Variants in GPC1 observed in about 807,000 individuals in gnomAD.
The protein encoded by GPC1 is glypican-1.
GPC1 carries 26 observed loss-of-function variants against 51.5 expected under a neutral mutation model. The ratio of observed to expected loss-of-function variants is 0.50; its 90% confidence interval spans 0.37 to 0.70. The LOEUF is 0.70. Ranked by LOEUF, GPC1 falls within the 30% of genes least tolerant of loss-of-function variation. GPC1 has a pLI of 0.00. For missense variants in GPC1, 775 were observed against 800.5 expected (o/e 0.97, Z 0.38); for synonymous variants, 380 against 348.3 (o/e 1.09, Z -1.01).
At chr2:240,456,199 G>A in intron 1 of GPC1, 1 of 255,104 alleles carries the variant, frequency 3.9e-6, no homozygotes. Flanking sequence ...GGGTGTGAGA[G>A]GTGGCTGACG....
intron 1 of GPC1, among the ~76,000 whole-genome samples, chr2:240,455,259 C>T (rs1432467710): frequency 2.0e-5 from 3 of 152,196 alleles, no homozygotes; most frequent in Admixed American, 6.5e-5. Flanking sequence ...AAAAAATCCT[C>T]AGAGCACTGG....
Position 240,435,868 on chromosome 2 carries a change from A to C in GPC1, c.-51A>C. The C allele has an allele frequency of 2.6e-6, 3 of 1,136,742 alleles. No homozygotes were observed. Among genetic ancestry groups the C allele is most frequent in the Non-Finnish European group, 2.2e-6 (2 of 905,474 alleles). The allele number at this position is 1,136,742 out of a possible 1,614,324, so 70.4% of individuals were successfully genotyped here. On this transcript the variant is annotated 5_prime_UTR_variant, in exon 1 of 9. Coordinates refer to ENST00000264039, the MANE Select transcript of GPC1 (RefSeq NM_002081.3). ...GGCGGGAACTGCGCAGGACCCGGCC[A>C]GGATCCGAGAGAGGCGCGGGCGGGT...
chr2:240,466,525 C>A lies in GPC1; in HGVS notation c.*235C>A. 3.7e-6 allele frequency: 2 copies of A among 543,924 alleles called. No individual in the cohort carries two copies. The highest frequency in any genetic ancestry group is 6.5e-6 in the Non-Finnish European group (2 of 307,120). The allele number at this position is 543,924 out of a possible 1,614,324, so 33.7% of individuals were successfully genotyped here. On this transcript the variant is annotated 3_prime_UTR_variant, in exon 9 of 9. Transcript: ENST00000264039. ...GCTGGGAGCCAGTGTGCCCAAAAGC[C>A]ATGTATTTCAGGGACCTCAGGGGCA...
chr2:240,441,391 G>A (rs2151785688), intron 1 of GPC1, among the ~76,000 whole-genome samples: 1 of 152,314 alleles, frequency 6.6e-6, no homozygotes, highest in East Asian at 1.9e-4. Context: ...CCGTGCCCGG[G>A]CCAGTGAGAG....
intron 1 of GPC1, among the ~76,000 whole-genome samples, chr2:240,457,083 G>A (rs1489617646): frequency 6.6e-6 from 1 of 152,162 alleles, no homozygotes; most frequent in Non-Finnish European, 1.5e-5. Flanking sequence ...CGCTCTGTCT[G>A]CAGCATGGGC....
At chr2:240,453,871 C>A (rs868347418) in intron 1 of GPC1, among the ~76,000 whole-genome samples, 1 of 152,140 alleles carries the variant, frequency 6.6e-6, no homozygotes, top group Non-Finnish European at 1.5e-5. Flanking sequence ...CCGCCGGGGC[C>A]GGTTTCACGC....
rs775628041 is a variant in GPC1, at chr2:240,457,427, G to A, written c.167-1603G>A. 10 of 470,702 alleles carry A rather than the reference G, an allele frequency of 2.1e-5. 1 individual carries two copies. The highest frequency in any genetic ancestry group is 1.4e-4 in the South Asian group (9 of 64,562). 29.2% of individuals were successfully genotyped at this position (470,702 alleles called of 1,614,324 possible). ...TGAGTGTGTGTACTTAGAGGGTGCG[G>A]AAGATCAGCAAACTCAGTCTGACCC... On this transcript the variant is annotated intron_variant, in intron 1 of 8. Transcript: ENST00000264039.
intron 1 of GPC1, among the ~76,000 whole-genome samples, chr2:240,454,620 C>T (rs1211849970): frequency 6.6e-6 from 1 of 152,238 alleles, no homozygotes; most frequent in East Asian, 1.9e-4. Flanking sequence ...CCTACTCCAG[C>T]ACCGTGGGAG....
intron 1 of GPC1, chr2:240,456,769 G>A (rs944683165): frequency 2.1e-5 from 8 of 377,912 alleles, no homozygotes; most frequent in East Asian, 7.6e-5. Flanking sequence ...CTGCCCCCAC[G>A]GGGGTGGGAC....
chr2:240,462,478 G>C lies in GPC1; in HGVS notation c.613G>C (p.Ala205Pro), dbSNP rs764654974. 6.2e-7 allele frequency: 1 copy of C among 1,601,552 alleles called. No individual in the cohort carries two copies. The highest frequency in any genetic ancestry group is 8.5e-7 in the Non-Finnish European group (1 of 1,175,494). ...QAEALRPFGEAPRELRLRATR... is the reference protein window; with the variant it reads ...QAEALRPFGEPPRELRLRATR... ...CGAGGCGCTGCGGCCCTTCGGGGAG[G>C]CCCCGAGAGAGCTGCGCCTGCGGGC... The change falls in exon 3 of 9, where the codon GCC (alanine) becomes CCC (proline). Residue 205 changes from alanine to proline, a missense_variant. Ala to Pro is a conservative substitution (Grantham distance 27). Coordinates refer to ENST00000264039, the MANE Select transcript of GPC1 (RefSeq NM_002081.3).
chr2:240,451,323 G>T, intron 1 of GPC1: 1 of 463,430 alleles, frequency 2.2e-6, no homozygotes, highest in Non-Finnish European at 4.5e-6. Context: ...TGCGTTTCTA[G>T]CGTGCCCCCT....
chr2:240,453,073 CA>C (rs2074116472), intron 1 of GPC1: 3 of 321,718 alleles, frequency 9.3e-6, no homozygotes, highest in African/African-American at 2.3e-5. Context: ...ACCTCTCCCG[CA>C]GCGCCACCGT....
chr2:240,460,564 C>T (rs917609235), intron 2 of GPC1, among the ~76,000 whole-genome samples: 2 of 152,184 alleles, frequency 1.3e-5, no homozygotes, highest in Admixed American at 6.5e-5. Context: ...CGCCTGCTTC[C>T]TCCTGGCTCT....
At chr2:240,450,741 A>T (rs753536433) in intron 1 of GPC1, 61 of 469,588 alleles carry the variant, frequency 1.3e-4, no homozygotes, top group Non-Finnish European at 2.3e-4. Context: ...CAGTGCCAAC[A>T]CTGGGCAGAT....
Position 240,466,210 on chromosome 2 carries a change from A to G in GPC1, c.1597A>G (p.Ser533Gly). 1.2e-6 allele frequency: 2 copies of G among 1,612,730 alleles called. No individual in the cohort carries two copies. The highest frequency in any genetic ancestry group is 8.5e-7 in the Non-Finnish European group (1 of 1,179,294). Residue 533 changes from serine (S) to glycine (G), a missense_variant, in exon 9 of 9, where the codon AGC becomes GGC. Physicochemically the swap from Ser to Gly is moderately conservative, Grantham distance 56. Coordinates refer to ENST00000264039, the MANE Select transcript of GPC1 (RefSeq NM_002081.3). ...GGAAGGACAGAAGACCTCGGCTGCC[A>G]GCTGCCCCCAGCCCCCGACCTTCCT... ...EQEGQKTSAA[S>G]CPQPPTFLLP...
rs773487858 is a variant in GPC1, at chr2:240,463,527, G to T, written c.883+15G>T. The T allele has an allele frequency of 1.9e-6, 3 of 1,610,978 alleles. No homozygotes were observed. Among genetic ancestry groups the T allele is most frequent in the Non-Finnish European group, 2.5e-6 (3 of 1,178,544 alleles). ...GAACCTCCTGGGTGAGCCCCCACCC[G>T]CGAGAGCGGCCTGGAACTGTCTTGG... On this transcript the variant is annotated intron_variant, in intron 4 of 8. Coordinates refer to ENST00000264039, the MANE Select transcript of GPC1 (RefSeq NM_002081.3).
At chr2:240,452,604 A>T (rs1006178514) in intron 1 of GPC1, among the ~76,000 whole-genome samples, 1 of 151,978 alleles carries the variant, frequency 6.6e-6, no homozygotes, top group Non-Finnish European at 1.5e-5. Flanking sequence ...GCCCGCGGAG[A>T]ACAGGAGCAG....
Position 240,464,636 on chromosome 2 carries a change from G to GACAAGT in GPC1, c.905_910dup (p.Lys303_Phe304insTyrLys). ...CCTAGACTCCATGGTGCTCATCACC[G>GACAAGT]ACAAGTTCTGGGGTACATCGGGTGT... On this transcript the variant is annotated inframe_insertion, in exon 5 of 9. Coordinates refer to ENST00000264039, the MANE Select transcript of GPC1 (RefSeq NM_002081.3). 1 of 1,611,928 alleles carries GACAAGT rather than the reference G, an allele frequency of 6.2e-7. No homozygotes were observed. Among genetic ancestry groups the GACAAGT allele is most frequent in the Non-Finnish European group, 8.5e-7 (1 of 1,179,336 alleles).
rs73102088 is a variant in GPC1, at chr2:240,459,881, C to T, written c.325+693C>T. Among the ~76,000 whole-genome samples the T allele has an allele frequency of 8.6e-3, 1,306 of 152,208 alleles. 14 individuals carry two copies. The highest frequency in any genetic ancestry group is 0.029 in the African/African-American group (1,214 of 41,518). On this transcript the variant is annotated intron_variant, in intron 2 of 8. Transcript: ENST00000264039. ...ATGAAGTGACCTCTGATCAGAAACACGAGGACTTGGTGGAGGGAGGCGGCC... is the reference window on the plus strand; with the variant it reads ...ATGAAGTGACCTCTGATCAGAAACATGAGGACTTGGTGGAGGGAGGCGGCC...
Sources: allele counts gnomAD v4.1 joint callset (sites outside exome capture counted in the v4.1 genomes callset), GRCh38; gene constraint gnomAD v4.1.1; transcripts MANE v1.5; gene names NCBI Gene and HGNC (gene_info 2026-07-23, HGNC 2026-07-21).